STXBP6: variants seen among roughly 807,000 people sequenced by gnomAD.
STXBP6 encodes syntaxin-binding protein 6.
A neutral mutation model predicts 26.9 loss-of-function variants in STXBP6; 21 were observed. That is an observed-to-expected ratio of 0.78 (90% CI 0.55 to 1.12). The LOEUF (loss-of-function observed/expected upper bound fraction) is 1.12, where lower values mean the gene tolerates loss of function less well. Among genes scored for constraint, STXBP6 ranks in the 50% most tolerant of loss-of-function variants. The pLI, the probability that STXBP6 is intolerant of heterozygous loss-of-function variation, is 0.00. For synonymous variants in STXBP6, 97 were observed against 92.6 expected (o/e 1.05, Z -0.27); for missense variants, 232 against 257.9 (o/e 0.90, Z 0.69).
intron 2 of STXBP6, among the ~76,000 whole-genome samples, chr14:24,930,833 C>A (rs570761399): frequency 1.7e-4 from 26 of 152,024 alleles, no homozygotes; most frequent in African/African-American, 5.8e-4. Context: ...AAACACCGGC[C>A]GGGCGCGGTG....
chr14:24,822,378 A>G (rs757399631), intron 4 of STXBP6, among the ~76,000 whole-genome samples: 18 of 152,276 alleles, frequency 1.2e-4, no homozygotes, highest in South Asian at 2.1e-4. Context: ...TACCACATCT[A>G]TGATAATTAC....
At chr14:25,003,023 G>A (rs1031243177) in intron 1 of STXBP6, among the ~76,000 whole-genome samples, 15 of 152,272 alleles carry the variant, frequency 9.9e-5, no homozygotes, top group South Asian at 4.1e-4. Context: ...CACCGCGGCC[G>A]GCCTAATGTA....
At chr14:25,038,418 T>G (rs1415554854) in intron 1 of STXBP6, among the ~76,000 whole-genome samples, 2 of 152,184 alleles carry the variant, frequency 1.3e-5, no homozygotes, top group Non-Finnish European at 2.9e-5. Flanking sequence ...TACACATAAA[T>G]GTTCACAACA....
chr14:24,986,768 G>A (rs1379811152), intron 1 of STXBP6, among the ~76,000 whole-genome samples: 1 of 152,206 alleles, frequency 6.6e-6, no homozygotes, highest in Non-Finnish European at 1.5e-5. Flanking sequence ...TGGGTAACTG[G>A]AGAGTCTTTA....
At chr14:25,030,133 C>T (rs2075425138) in intron 1 of STXBP6, among the ~76,000 whole-genome samples, 2 of 152,214 alleles carry the variant, frequency 1.3e-5, no homozygotes. Context: ...ACTACAATGG[C>T]ATCCCTTGCC....
intron 2 of STXBP6, among the ~76,000 whole-genome samples, chr14:24,909,625 T>C (rs1230351164): frequency 6.6e-6 from 1 of 151,272 alleles, no homozygotes. Context: ...TACAAAAAAA[T>C]AGAAGAAAAA....
chr14:24,821,108 C>T (rs371915672), intron 4 of STXBP6, among the ~76,000 whole-genome samples: 43 of 152,222 alleles, frequency 2.8e-4, no homozygotes, highest in African/African-American at 9.6e-4. Context: ...TGGGGAAGGG[C>T]GCAGAGGAGT....
intron 2 of STXBP6, among the ~76,000 whole-genome samples, chr14:24,915,713 C>A (rs1436522205): frequency 6.6e-6 from 1 of 151,990 alleles, no homozygotes; most frequent in Admixed American, 6.6e-5. Flanking sequence ...AATCCAGCTG[C>A]AAAATAAATA....
At chr14:25,028,298 C>T (rs2075385684) in intron 1 of STXBP6, among the ~76,000 whole-genome samples, 1 of 152,162 alleles carries the variant, frequency 6.6e-6, no homozygotes, top group Non-Finnish European at 1.5e-5. Context: ...GTCAGGATGA[C>T]TTTCTTGTTA....
At chr14:25,003,244 C>T (rs917915729) in intron 1 of STXBP6, among the ~76,000 whole-genome samples, 1 of 152,148 alleles carries the variant, frequency 6.6e-6, no homozygotes, top group Non-Finnish European at 1.5e-5. Context: ...AGACAGGAGT[C>T]CCACAGGTGC....
chr14:24,918,629 T>C (rs1474323372), intron 2 of STXBP6, among the ~76,000 whole-genome samples: 1 of 152,044 alleles, frequency 6.6e-6, no homozygotes, highest in African/African-American at 2.4e-5. Context: ...TGAAGATTTA[T>C]CTACTCAATA....
chr14:24,911,142 T>C (rs942394620), intron 2 of STXBP6, among the ~76,000 whole-genome samples: 2 of 151,944 alleles, frequency 1.3e-5, no homozygotes, highest in Non-Finnish European at 2.9e-5. Flanking sequence ...CTGGGCAACA[T>C]AGTGAGACTT....
intron 2 of STXBP6, among the ~76,000 whole-genome samples, chr14:24,914,503 T>C (rs1369761747): frequency 6.6e-6 from 1 of 152,166 alleles, no homozygotes; most frequent in African/African-American, 2.4e-5. Flanking sequence ...TAACAAATTT[T>C]CAAAGACAGG....
intron 2 of STXBP6, among the ~76,000 whole-genome samples, chr14:24,913,881 G>A (rs1305026735): frequency 6.6e-6 from 1 of 152,148 alleles, no homozygotes. Flanking sequence ...AAGCATTGTG[G>A]ATGTGGGGAA....
chr14:24,881,737 T>C (rs1011805323), intron 2 of STXBP6, among the ~76,000 whole-genome samples: 3 of 152,166 alleles, frequency 2.0e-5, no homozygotes, highest in African/African-American at 7.2e-5. Context: ...TTGTGAAAAA[T>C]AATGACAATG....
chr14:24,988,717 A>G (rs1195799232), intron 1 of STXBP6, among the ~76,000 whole-genome samples: 4 of 152,322 alleles, frequency 2.6e-5, no homozygotes, highest in African/African-American at 9.6e-5. Context: ...CGACGGAGAC[A>G]GACAGCCCCC....
chr14:24,847,615 T>C (rs2069007644), intron 4 of STXBP6, among the ~76,000 whole-genome samples: 1 of 152,174 alleles, frequency 6.6e-6, no homozygotes, highest in Admixed American at 6.5e-5. Flanking sequence ...TACCACTTCA[T>C]GTCTAACAAT....
chr14:24,946,471 G>A (rs891499767), intron 2 of STXBP6, among the ~76,000 whole-genome samples: 3 of 152,164 alleles, frequency 2.0e-5, no homozygotes, highest in African/African-American at 4.8e-5. Context: ...TATGTTTGAT[G>A]CCAAAAGGGA....
chr14:24,971,766 C>T (rs562961409), intron 2 of STXBP6, among the ~76,000 whole-genome samples: 7 of 152,288 alleles, frequency 4.6e-5, no homozygotes, highest in African/African-American at 1.7e-4. Flanking sequence ...TGCATACATG[C>T]TTTCACATCA....
Sources: gnomAD v4.1 joint callset for allele counts (sites outside exome capture counted in the v4.1 genomes callset) on GRCh38, gnomAD v4.1.1 for gene constraint, MANE v1.5 for transcripts, NCBI Gene and HGNC (gene_info 2026-07-23, HGNC 2026-07-21) for gene names.